RSRC1: variants seen among roughly 807,000 people sequenced by gnomAD.
RSRC1 encodes the protein serine/Arginine-related protein 53.
Under a neutral mutation model 49.1 loss-of-function variants are expected in RSRC1, and 39 were observed. That is an observed-to-expected ratio of 0.79 (90% confidence interval 0.61 to 1.04). The LOEUF (loss-of-function observed/expected upper bound fraction) is 1.04. Ranked by LOEUF, RSRC1 falls within the 50% of genes least tolerant of loss-of-function variation. The probability of loss-of-function intolerance (pLI) is 0.00; values close to 1 mark genes in which losing one functional copy is unlikely to be tolerated. For synonymous variants in RSRC1, 143 were observed against 130.8 expected (o/e 1.09, Z -0.63); for missense variants, 388 against 402.4 (o/e 0.96, Z 0.31).
intron 4 of RSRC1, among the ~76,000 whole-genome samples, chr3:158,229,181 T>C (rs1382620325): frequency 7.2e-6 from 1 of 139,436 alleles, no homozygotes. Context: ...CATATGTGTA[T>C]GTGTAAACAT....
At chr3:158,316,236 T>C (rs929605286) in intron 5 of RSRC1, among the ~76,000 whole-genome samples, 32 of 152,018 alleles carry the variant, frequency 2.1e-4, no homozygotes, top group African/African-American at 4.6e-4. Context: ...ACAGTTTACC[T>C]TTATGCTCAC....
intron 5 of RSRC1, among the ~76,000 whole-genome samples, chr3:158,303,832 T>G (rs1727702619): frequency 6.6e-6 from 1 of 152,230 alleles, no homozygotes; most frequent in Admixed American, 6.5e-5. Context: ...GACATTTGTT[T>G]TAAAATTTTT....
In RSRC1 at chr3:158,447,912, TA is replaced by T. The variant is rs951084304; in HGVS notation, c.584-13018del. Among the ~76,000 whole-genome samples, 28 of 152,042 alleles carry T rather than the reference TA, an allele frequency of 1.8e-4. No individual in the cohort carries two copies. In the South Asian group the frequency reaches 3.9e-3, roughly 21 times the overall value. On this transcript the variant is annotated intron_variant, in intron 6 of 9. Coordinates refer to ENST00000611884, the MANE Select transcript of RSRC1 (RefSeq NM_001271838.2). ...ATTTCTGGATTTTCGTTCTTATTTT[TA>T]AAAAGATTGCTTACCAATAGTTACT...
chr3:158,193,029 A>G (rs1036479332), intron 3 of RSRC1, among the ~76,000 whole-genome samples: 3 of 152,088 alleles, frequency 2.0e-5, no homozygotes, highest in African/African-American at 7.2e-5. Context: ...TCAAATTAGT[A>G]CTTCCCTCAG....
At chr3:158,521,154 T>G (rs569312306) in intron 7 of RSRC1, among the ~76,000 whole-genome samples, 4 of 152,298 alleles carry the variant, frequency 2.6e-5, no homozygotes, top group Admixed American at 1.3e-4. Context: ...GTAGTTAATG[T>G]TATGACTCCA....
chr3:158,390,709 G>A (rs575575841), intron 6 of RSRC1, among the ~76,000 whole-genome samples: 18 of 152,188 alleles, frequency 1.2e-4, no homozygotes, highest in African/African-American at 3.6e-4. Context: ...GGCATGGGTA[G>A]CATTCTTAGT....
chr3:158,369,301 T>A (rs551613076), intron 6 of RSRC1, among the ~76,000 whole-genome samples: 2 of 152,140 alleles, frequency 1.3e-5, no homozygotes, highest in African/African-American at 4.8e-5. Flanking sequence ...TAGGATTCAA[T>A]TCTAAAATAT....
At chr3:158,429,324 G>A (rs1043586342) in intron 6 of RSRC1, among the ~76,000 whole-genome samples, 4 of 149,674 alleles carry the variant, frequency 2.7e-5, no homozygotes, top group African/African-American at 9.9e-5. Context: ...AGTTAACCTG[G>A]AGAGATTTCC....
chr3:158,421,143 T>C (rs1341788011), intron 6 of RSRC1, among the ~76,000 whole-genome samples: 2 of 151,896 alleles, frequency 1.3e-5, no homozygotes, highest in African/African-American at 4.8e-5. Flanking sequence ...GACAAGTTAG[T>C]CATATTAGAA....
At chr3:158,474,290 A>G (rs1738274994) in intron 7 of RSRC1, among the ~76,000 whole-genome samples, 1 of 152,216 alleles carries the variant, frequency 6.6e-6, no homozygotes, top group African/African-American at 2.4e-5. Context: ...TGTTTACACT[A>G]TACCATAATC....
rs1713268060 is a variant in RSRC1 at position 158,545,188 on chromosome 3, A to ATTTCCTTTTTTTTTTT, written c.*916_*917insCCTTTTTTTTTTTTTT. The ATTTCCTTTTTTTTTTT allele has an allele frequency of 1.7e-5, 1 of 58,792 alleles. No homozygotes were observed. Among genetic ancestry groups the ATTTCCTTTTTTTTTTT allele is most frequent in the Non-Finnish European group, 3.7e-5 (1 of 27,082 alleles). 3.6% of individuals were successfully genotyped at this position (58,792 alleles called of 1,614,324 possible). A position where few individuals can be genotyped will look rare whatever the true frequency, so the allele number is the denominator to read the frequency against. ...GCTGACATGAATATTTCCCGTTTCT[A>ATTTCCTTTTTTTTTTT]TTTTCTTTTTTTTTTTTTTTTTTTT... On this transcript the variant is annotated 3_prime_UTR_variant, in exon 10 of 10. Transcript: ENST00000611884.
intron 5 of RSRC1, among the ~76,000 whole-genome samples, chr3:158,317,616 T>A (rs1370017626): frequency 6.6e-6 from 1 of 151,984 alleles, no homozygotes; most frequent in Non-Finnish European, 1.5e-5. Flanking sequence ...AGGAGTTCAG[T>A]GGTGTGATGT....
chr3:158,356,604 ATTT>A (rs1376376919), intron 6 of RSRC1, among the ~76,000 whole-genome samples: 1 of 152,002 alleles, frequency 6.6e-6, no homozygotes, highest in Non-Finnish European at 1.5e-5. Flanking sequence ...TTTTTTTAAT[ATTT>A]TCACTCAAAT....
At chr3:158,470,953 A>T (rs1356768890) in intron 7 of RSRC1, among the ~76,000 whole-genome samples, 10 of 152,230 alleles carry the variant, frequency 6.6e-5, no homozygotes, top group Non-Finnish European at 1.5e-4. Context: ...CAAGAAACTC[A>T]CGCAACAAGA....
chr3:158,425,858 A>G (rs929067368), intron 6 of RSRC1, among the ~76,000 whole-genome samples: 9 of 151,826 alleles, frequency 5.9e-5, no homozygotes, highest in Non-Finnish European at 1.2e-4. Context: ...AAGTTTAATC[A>G]AGACAACTTC....
chr3:158,377,803 G>A (rs1219608403), intron 6 of RSRC1, among the ~76,000 whole-genome samples: 12 of 152,004 alleles, frequency 7.9e-5, no homozygotes, highest in Non-Finnish European at 1.8e-4. Context: ...GAGATTGCAG[G>A]TGCCTGCCAC....
At chr3:158,185,622 T>C (rs1730043) in intron 3 of RSRC1, among the ~76,000 whole-genome samples, 87,796 of 151,650 alleles carry the variant, frequency 0.58, 25,734 homozygotes, top group East Asian at 0.73. Flanking sequence ...AAATGTGTAC[T>C]CAGACTTATG....
intron 4 of RSRC1, among the ~76,000 whole-genome samples, chr3:158,224,716 A>G (rs1275236292): frequency 6.6e-6 from 1 of 151,770 alleles, no homozygotes; most frequent in Non-Finnish European, 1.5e-5. Flanking sequence ...ATTGTTCACA[A>G]CATTTGAAAG....
chr3:158,160,251 C>T (rs1440138747), intron 3 of RSRC1, among the ~76,000 whole-genome samples: 1 of 152,076 alleles, frequency 6.6e-6, no homozygotes, highest in Non-Finnish European at 1.5e-5. Flanking sequence ...ATCTTCAATG[C>T]CCCAAGCCAT....
Sources: gnomAD v4.1 joint callset for allele counts (sites outside exome capture counted in the v4.1 genomes callset) on GRCh38, gnomAD v4.1.1 for gene constraint, MANE v1.5 for transcripts, NCBI Gene and HGNC (gene_info 2026-07-23, HGNC 2026-07-21) for gene names.